Variants in SNCB observed in about 807,000 individuals in gnomAD.
SNCB encodes the protein synuclein beta.
Under a neutral mutation model 20.0 loss-of-function variants are expected in SNCB, and 8 were observed. The observed-to-expected ratio is 0.40, with a 90% CI of 0.24 to 0.72. The LOEUF (loss-of-function observed/expected upper bound fraction) is 0.72, where lower values mean the gene tolerates loss of function less well. Ranked by LOEUF, SNCB falls within the 30% of genes least tolerant of loss-of-function variation. The pLI is 0.37. For missense variants in SNCB, 125 were observed against 168.0 expected (o/e 0.74, Z 1.41); for synonymous variants, 56 against 65.4 (o/e 0.86, Z 0.69).
intron 4 of SNCB, among the ~76,000 whole-genome samples, chr5:176,623,511 A>G (rs1243012881): frequency 1.3e-5 from 2 of 152,112 alleles, no homozygotes; most frequent in African/African-American, 4.8e-5. Context: ...TGGCCATGCA[A>G]GTGAGACTCC....
intron 4 of SNCB, among the ~76,000 whole-genome samples, chr5:176,622,973 G>A (rs965139219): frequency 6.6e-6 from 1 of 151,802 alleles, no homozygotes; most frequent in Non-Finnish European, 1.5e-5. Flanking sequence ...CTGACCTCAG[G>A]TGATCTGCCC....
rs5873543 is a variant in SNCB at position 176,626,335 on chromosome 5, G to GGTGT, written c.282+59_282+62dup. 1.7e-5 allele frequency: 15 copies of GGTGT among 864,220 alleles called. No homozygotes were observed. The highest frequency in any genetic ancestry group is 1.5e-4 in the East Asian group (6 of 39,168). 53.5% of individuals were successfully genotyped at this position (864,220 alleles called of 1,614,324 possible). A position where few individuals can be genotyped will look rare whatever the true frequency, so the allele number is the denominator to read the frequency against. ...TGGTGACAGGTTTATTTGTGTGCCT[G>GGTGT]GTGTGTGTGTGTGTGTGTGTGTGTG... On this transcript the variant is annotated intron_variant, in intron 4 of 5. Transcript: ENST00000393693. This position sits in a 1 kb window ranked among gnomAD's most constrained non-coding sequence, Gnocchi z 4.2.
chr5:176,620,734 AAGGAC>A lies in SNCB; in HGVS notation c.*72_*76del, dbSNP rs1186131532. On this transcript the variant is annotated 3_prime_UTR_variant, in exon 6 of 6. Transcript: ENST00000393693. The surrounding 1 kb of genome is among the most constrained non-coding windows in gnomAD (Gnocchi z 4.5). ...TCTCGTGATTGGGGAGAAGGAGTCT[AAGGAC>A]AGCCCTGGCTCTGGGGGGCGGGGCA... 1.0e-4 allele frequency: 104 copies of A among 1,000,174 alleles called. 1 individual carries two copies. The highest frequency in any genetic ancestry group is 7.4e-4 in the South Asian group (59 of 79,434). The allele number at this position is 1,000,174 out of a possible 1,614,324, so 62.0% of individuals were successfully genotyped here.
rs1031565677 is a variant in SNCB at position 176,621,859 on chromosome 5, C to G, written c.283-556G>C. Among the ~76,000 whole-genome samples the G allele has an allele frequency of 3.3e-5, 5 of 152,230 alleles. No homozygotes were observed. The highest frequency in any genetic ancestry group is 9.6e-5 in the African/African-American group (4 of 41,464). ...GATGTGTGAGCTAAGACTCTCCCCC[C>G]CACCCGCTGCGTCTGCTGCCCAGAC... On this transcript the variant is annotated intron_variant, in intron 4 of 5. Coordinates refer to ENST00000393693, the MANE Select transcript of SNCB (RefSeq NM_003085.5). This position sits in a 1 kb window ranked among gnomAD's most constrained non-coding sequence, Gnocchi z 4.1.
intron 4 of SNCB, among the ~76,000 whole-genome samples, chr5:176,623,428 C>T (rs1209433775): frequency 1.3e-5 from 2 of 152,010 alleles, no homozygotes; most frequent in Admixed American, 1.3e-4. Context: ...GGGCGATAGG[C>T]AGGGCCAGGA....
Position 176,620,685 on chromosome 5 carries a change from G to T in SNCB, c.*126C>A. On this transcript the variant is annotated 3_prime_UTR_variant, in exon 6 of 6. Transcript: ENST00000393693. The surrounding 1 kb of genome is among the most constrained non-coding windows in gnomAD (Gnocchi z 4.5). ...CAGACACTAACACAGGCTCCGAGGG[G>T]GTTGCCTCAGAGCGGAAGGAAGATC... is the stretch of plus-strand genomic sequence containing the variant. 2.6e-6 allele frequency: 2 copies of T among 779,042 alleles called. No individual in the cohort carries two copies. Among genetic ancestry groups the T allele is most frequent in the Admixed American group, 1.7e-5 (1 of 58,030 alleles). The allele number at this position is 779,042 out of a possible 1,614,324, so 48.3% of individuals were successfully genotyped here.
chr5:176,623,226 A>C (rs1759719235), intron 4 of SNCB, among the ~76,000 whole-genome samples: 3 of 151,966 alleles, frequency 2.0e-5, no homozygotes. Context: ...ATCTCTACTA[A>C]ATATACAAAA....
Position 176,621,082 on chromosome 5 carries a change from C to A in SNCB, c.372+132G>T. The A allele has an allele frequency of 1.2e-6, 1 of 822,754 alleles. No homozygotes were observed. Among genetic ancestry groups the A allele is most frequent in the Non-Finnish European group, 2.0e-6 (1 of 489,524 alleles). The allele number at this position is 822,754 out of a possible 1,614,324, so 51.0% of individuals were successfully genotyped here. A position where few individuals can be genotyped will look rare whatever the true frequency, so the allele number is the denominator to read the frequency against. ...TCCTCCCTGCTCCCACCTCCTGGGG[C>A]CTGGGTTCTAGAAGAGGGATGTCAA... is the stretch of plus-strand genomic sequence containing the variant. On this transcript the variant is annotated intron_variant, in intron 5 of 5. Transcript: ENST00000393693. The surrounding 1 kb of genome is among the most constrained non-coding windows in gnomAD (Gnocchi z 4.1).
rs2113374976 is a variant in SNCB at position 176,621,454 on chromosome 5, C to T, written c.283-151G>A. The T allele has an allele frequency of 1.4e-6, 1 of 711,064 alleles. No individual in the cohort carries two copies. The highest frequency in any genetic ancestry group is 2.0e-5 in the Admixed American group (1 of 49,518). The allele number at this position is 711,064 out of a possible 1,614,324, so 44.0% of individuals were successfully genotyped here. A position where few individuals can be genotyped will look rare whatever the true frequency, so the allele number is the denominator to read the frequency against. The stretch of plus-strand genomic sequence containing the variant: ...CTAATTCAGTTATTTATTTGGAGTG[C>T]CTTGGAAGTGGGATGGAGGTGAAGG... On this transcript the variant is annotated intron_variant, in intron 4 of 5. Transcript: ENST00000393693. The surrounding 1 kb of genome is among the most constrained non-coding windows in gnomAD (Gnocchi z 4.1).
rs1163635216 is a variant in SNCB at position 176,626,219 on chromosome 5, T to C, written c.282+179A>G. 6.6e-6 allele frequency among the ~76,000 whole-genome samples: 1 copy of C among 152,066 alleles called. No homozygotes were observed. Among genetic ancestry groups the C allele is most frequent in the Non-Finnish European group, 1.5e-5 (1 of 68,030 alleles). On this transcript the variant is annotated intron_variant, in intron 4 of 5. Coordinates refer to ENST00000393693, the MANE Select transcript of SNCB (RefSeq NM_003085.5). This position sits in a 1 kb window ranked among gnomAD's most constrained non-coding sequence, Gnocchi z 4.2. ...ACACCCATGCACGCCTTTATTCAGA[T>C]GCATTCTGAGCTGAGTCTAGCACGG...
Position 176,620,603 on chromosome 5 carries a change from C to A in SNCB, c.*208G>T. On this transcript the variant is annotated 3_prime_UTR_variant, in exon 6 of 6. Coordinates refer to ENST00000393693, the MANE Select transcript of SNCB (RefSeq NM_003085.5). This position sits in a 1 kb window ranked among gnomAD's most constrained non-coding sequence, Gnocchi z 4.5. ...GCGAGGCTCCCAGCCGCGACCGCAA[C>A]CCTGGCCCTGTCCATGCCCCGGGGT... The A allele has an allele frequency of 1.6e-6, 1 of 610,150 alleles. No homozygotes were observed. The highest frequency in any genetic ancestry group is 2.9e-6 in the Non-Finnish European group (1 of 342,022). The allele number at this position is 610,150 out of a possible 1,614,324, so 37.8% of individuals were successfully genotyped here.
chr5:176,621,329 G>C lies in SNCB; in HGVS notation c.283-26C>G, dbSNP rs749930115. On this transcript the variant is annotated intron_variant, in intron 4 of 5. Transcript: ENST00000393693. This position sits in a 1 kb window ranked among gnomAD's most constrained non-coding sequence, Gnocchi z 4.1. ...CTGTGGGCAGAAAAGGTCAGGACTC[G>C]TGAGGACAGCCAGGATGCCCCCCAA... 1 of 1,592,296 alleles carries C rather than the reference G, an allele frequency of 6.3e-7. No homozygotes were observed. Among genetic ancestry groups the C allele is most frequent in the South Asian group, 1.1e-5 (1 of 88,902 alleles).
At position 176,620,735 on chromosome 5, in the gene SNCB, A is replaced by T; in HGVS notation, c.*76T>A. ...CTCGTGATTGGGGAGAAGGAGTCTA[A>T]GGACAGCCCTGGCTCTGGGGGGCGG... On this transcript the variant is annotated 3_prime_UTR_variant, in exon 6 of 6. Coordinates refer to ENST00000393693, the MANE Select transcript of SNCB (RefSeq NM_003085.5). The surrounding 1 kb of genome is among the most constrained non-coding windows in gnomAD (Gnocchi z 4.5). The T allele has an allele frequency of 2.0e-6, 2 of 1,006,116 alleles. No homozygotes were observed. The highest frequency in any genetic ancestry group is 3.2e-6 in the Non-Finnish European group (2 of 623,766). The allele number at this position is 1,006,116 out of a possible 1,614,324, so 62.3% of individuals were successfully genotyped here. A position where few individuals can be genotyped will look rare whatever the true frequency, so the allele number is the denominator to read the frequency against.
chr5:176,623,077 T>C (rs1759707585), intron 4 of SNCB, among the ~76,000 whole-genome samples: 1 of 152,082 alleles, frequency 6.6e-6, no homozygotes, highest in African/African-American at 2.4e-5. Context: ...CAACTAGTGT[T>C]GTGCTGATAG....
rs1380864977 is a variant in SNCB, at chr5:176,626,841, G to A, written c.122-80C>T. 2.0e-6 allele frequency: 3 copies of A among 1,500,006 alleles called. No homozygotes were observed. The highest frequency in any genetic ancestry group is 2.3e-5 in the South Asian group (2 of 88,798). The allele number at this position is 1,500,006 out of a possible 1,614,324, so 92.9% of individuals were successfully genotyped here. A position where few individuals can be genotyped will look rare whatever the true frequency, so the allele number is the denominator to read the frequency against. On this transcript the variant is annotated intron_variant, in intron 2 of 5. Transcript: ENST00000393693. This position sits in a 1 kb window ranked among gnomAD's most constrained non-coding sequence, Gnocchi z 4.2. ...TCCAGCACAGCATGGTGATTACAGA[G>A]TGGGCATCCTGGCCCCGTCACTGCC...
Position 176,621,526 on chromosome 5 carries a change from G to C in SNCB, c.283-223C>G, listed in dbSNP as rs781616935. On this transcript the variant is annotated intron_variant, in intron 4 of 5. Coordinates refer to ENST00000393693, the MANE Select transcript of SNCB (RefSeq NM_003085.5). The surrounding 1 kb of genome is among the most constrained non-coding windows in gnomAD (Gnocchi z 4.1). ...GTTGAAGTGGCAGCATGGAGTGGGA[G>C]CTGGCTCTCCACGCCGCTCCCCCAA... Among the ~76,000 whole-genome samples, 7 of 152,238 alleles carry C rather than the reference G, an allele frequency of 4.6e-5. No homozygotes were observed. Among genetic ancestry groups the C allele is most frequent in the South Asian group, 2.1e-4 (1 of 4,834 alleles).
intron 4 of SNCB, among the ~76,000 whole-genome samples, chr5:176,624,783 C>T (rs1355601892): frequency 1.2e-5 from 1 of 81,242 alleles, no homozygotes; most frequent in Non-Finnish European, 2.3e-5. Context: ...GCCTGGGCAA[C>T]AAGAGCAAAA....
At chr5:176,624,808 A>C (rs1211815770) in intron 4 of SNCB, among the ~76,000 whole-genome samples, 1 of 151,118 alleles carries the variant, frequency 6.6e-6, no homozygotes, top group East Asian at 1.9e-4. Flanking sequence ...GTCTCAAAAA[A>C]AAAAAAAAAC....
intron 4 of SNCB, among the ~76,000 whole-genome samples, chr5:176,623,411 C>T (rs764538912): frequency 1.3e-5 from 2 of 152,040 alleles, no homozygotes; most frequent in African/African-American, 2.4e-5. Flanking sequence ...AAGCAGTTCC[C>T]CTTGGAGGGC....
Sources: allele counts gnomAD v4.1 joint callset (sites outside exome capture counted in the v4.1 genomes callset), GRCh38; gene constraint gnomAD v4.1.1; non-coding constraint Gnocchi (gnomAD v3.1); transcripts MANE v1.5; gene names NCBI Gene and HGNC (gene_info 2026-07-23, HGNC 2026-07-21).